Variants in PGAP4 observed in about 807,000 individuals in gnomAD.
PGAP4 encodes post-GPI attachment to proteins GalNAc transferase 4, also known as GPI-N-acetylgalactosamine transferase PGAP4.
PGAP4 carries 12 observed loss-of-function variants against 28.2 expected under a neutral mutation model. The ratio of observed to expected loss-of-function variants is 0.42; its 90% confidence interval spans 0.27 to 0.69. The LOEUF (loss-of-function observed/expected upper bound fraction) is 0.69. Among genes scored for constraint, PGAP4 ranks in the 30% least tolerant of loss-of-function variants. PGAP4 has a pLI of 0.22. For missense variants in PGAP4, 425 were observed against 513.5 expected, an observed-to-expected ratio of 0.83 and a Z score of 1.67; for synonymous variants, 205 against 211.8, an observed-to-expected ratio of 0.97 and a Z score of 0.28.
intron 2 of PGAP4, among the ~76,000 whole-genome samples, chr9:101,501,314 A>G (rs970924672): frequency 6.6e-6 from 1 of 152,106 alleles, no homozygotes. Context: ...AGAATTAGCA[A>G]TGATTCAGAA....
chr9:101,523,220 T>C (rs1048076571), intron 2 of PGAP4, among the ~76,000 whole-genome samples: 1 of 152,176 alleles, frequency 6.6e-6, no homozygotes, highest in Non-Finnish European at 1.5e-5. Context: ...CTGAGTGTTC[T>C]TTGTGCTTCT....
intron 2 of PGAP4, among the ~76,000 whole-genome samples, chr9:101,507,281 G>T (rs978217974): frequency 6.6e-6 from 1 of 152,144 alleles, no homozygotes; most frequent in South Asian, 2.1e-4. Context: ...TGTTACAATG[G>T]TTAGTAGAGA....
intron 2 of PGAP4, among the ~76,000 whole-genome samples, chr9:101,495,792 A>T: frequency 6.6e-6 from 1 of 151,230 alleles, no homozygotes. Context: ...TTAATAAAAC[A>T]TAAAATGTTT....
intron 2 of PGAP4, among the ~76,000 whole-genome samples, chr9:101,498,899 G>A (rs1055639192): frequency 6.6e-6 from 1 of 151,812 alleles, no homozygotes; most frequent in Non-Finnish European, 1.5e-5. Context: ...TTTCTTCCCA[G>A]AAGATTTTCA....
intron 1 of PGAP4, among the ~76,000 whole-genome samples, chr9:101,481,767 G>A (rs1826494297): frequency 6.6e-6 from 1 of 152,188 alleles, no homozygotes; most frequent in Non-Finnish European, 1.5e-5. Context: ...GCTCAAGAAT[G>A]TTCTGTGTTT....
intron 2 of PGAP4, among the ~76,000 whole-genome samples, chr9:101,509,991 C>G (rs1826881509): frequency 6.6e-6 from 1 of 152,292 alleles, no homozygotes; most frequent in Non-Finnish European, 1.5e-5. Context: ...GTGCACATAA[C>G]ACATCCTCAT....
chr9:101,533,486 C>G (rs1827131111), upstream of PGAP4: 1 of 152,246 alleles, frequency 6.6e-6, no homozygotes. Flanking sequence ...AGTCATGTCC[C>G]CGGAGATTGA....
At chr9:101,522,663 T>C (rs1826999000) in intron 2 of PGAP4, among the ~76,000 whole-genome samples, 2 of 152,232 alleles carry the variant, frequency 1.3e-5, no homozygotes, top group African/African-American at 4.8e-5. Flanking sequence ...TGAGTTCTTA[T>C]CCATTCTGCA....
chr9:101,495,699 G>T lies in PGAP4; in HGVS notation c.-164-6499C>A, dbSNP rs1265742126. Among the ~76,000 whole-genome samples, 6 of 150,046 alleles carry T rather than the reference G, an allele frequency of 4.0e-5. No individual in the cohort carries two copies. In the East Asian group the frequency reaches 1.2e-3, roughly 29 times the overall value. ...AATAGAGTTTTAAAGGGGTTAAAAG[G>T]GTTATTTTTTTTACATCCATGTAGC... On this transcript the variant is annotated intron_variant, in intron 2 of 3. Transcript: ENST00000374851.
At chr9:101,501,973 T>C (rs903259070) in intron 2 of PGAP4, 28 of 288,932 alleles carry the variant, frequency 9.7e-5, no homozygotes, top group Admixed American at 2.4e-4. Context: ...GATAATAACT[T>C]TTAAGATCAC....
chr9:101,531,210 A>ACACACC lies in PGAP4; in HGVS notation c.-165+137_-165+138insGGTGTG, dbSNP rs1192339917. The stretch of plus-strand genomic sequence containing the variant: ...AATCTCTTTCTACACACACACACAC[A>ACACACC]CACACACACACACACACACACACAC... On this transcript the variant is annotated intron_variant, in intron 2 of 3. Transcript: ENST00000374851. 153 of 151,304 alleles carry ACACACC rather than the reference A, an allele frequency of 1.0e-3. 5 individuals are homozygous for ACACACC. The highest frequency in any genetic ancestry group is 4.4e-5 in the Non-Finnish European group (3 of 67,978). The allele number at this position is 151,304 out of a possible 1,614,324, so 9.4% of individuals were successfully genotyped here. A position where few individuals can be genotyped will look rare whatever the true frequency, so the allele number is the denominator to read the frequency against.
intron 2 of PGAP4, among the ~76,000 whole-genome samples, chr9:101,515,349 A>G (rs1351615075): frequency 6.6e-6 from 1 of 152,080 alleles, no homozygotes; most frequent in African/African-American, 2.4e-5. Flanking sequence ...TTGTGATTAC[A>G]TTTAGTGCCC....
intron 2 of PGAP4, among the ~76,000 whole-genome samples, chr9:101,499,251 G>A (rs887018167): frequency 6.6e-6 from 1 of 151,878 alleles, no homozygotes; most frequent in African/African-American, 2.4e-5. Context: ...AGCTCATAAG[G>A]GCCAAAAAGG....
At chr9:101,521,345 C>CT in intron 2 of PGAP4, among the ~76,000 whole-genome samples, 1 of 151,916 alleles carries the variant, frequency 6.6e-6, no homozygotes, top group Middle Eastern at 3.4e-3. Context: ...TGGTCCTGGA[C>CT]TTTTTTTTGT....
intron 2 of PGAP4, among the ~76,000 whole-genome samples, chr9:101,522,999 G>A (rs191481502): frequency 1.3e-5 from 2 of 152,200 alleles, no homozygotes; most frequent in African/African-American, 2.4e-5. Flanking sequence ...AGCTTCACTC[G>A]ACACAAAATT....
chr9:101,484,810 A>G (rs1279107342), intron 1 of PGAP4, among the ~76,000 whole-genome samples: 1 of 152,216 alleles, frequency 6.6e-6, no homozygotes, highest in Non-Finnish European at 1.5e-5. Flanking sequence ...TAAGACCAGA[A>G]GGGAGAAATG....
At position 101,506,221 on chromosome 9, in the gene PGAP4, A is replaced by G. The variant is rs368002063; in HGVS notation, c.-164-17021T>C. Among the ~76,000 whole-genome samples the G allele has an allele frequency of 1.0e-3, 156 of 152,210 alleles. 1 individual carries two copies. The Middle Eastern group carries it at 0.031, about 30-fold the overall frequency. ...TATAGTAAGCCGCTACCAGTTATGC[A>G]TTTAAATAGTCAGGAGGATACAAAG... On this transcript the variant is annotated intron_variant, in intron 2 of 3. Transcript: ENST00000374851.
chr9:101,498,935 C>T (rs895448766), intron 2 of PGAP4, among the ~76,000 whole-genome samples: 4 of 151,782 alleles, frequency 2.6e-5, no homozygotes, highest in South Asian at 2.1e-4. Flanking sequence ...AGTAGTCAAA[C>T]GTAATCAAAA....
intron 2 of PGAP4, among the ~76,000 whole-genome samples, chr9:101,527,903 T>C (rs901751816): frequency 1.3e-5 from 2 of 152,206 alleles, no homozygotes; most frequent in Non-Finnish European, 2.9e-5. Flanking sequence ...CATCTCATCA[T>C]CTTGACTGCC....
Sources: gnomAD v4.1 joint callset for allele counts (sites outside exome capture counted in the v4.1 genomes callset) on GRCh38, gnomAD v4.1.1 for gene constraint, MANE v1.5 for transcripts, NCBI Gene and HGNC (gene_info 2026-07-23, HGNC 2026-07-21) for gene names.